The following RBFOX1 variants were observed in gnomAD, a reference collection of about 807,000 sequenced individuals.
RBFOX1 encodes the protein RNA binding protein fox-1 homolog 1.
In RBFOX1, 8 loss-of-function variants were observed where a neutral mutation model predicts 57.7. That is an observed-to-expected ratio of 0.14 (90% CI 0.08 to 0.25). The LOEUF is 0.25. Among genes scored for constraint, RBFOX1 ranks in the 10% least tolerant of loss-of-function variants. RBFOX1 has a pLI of 1.00. For missense variants in RBFOX1, 611 were observed against 548.5 expected, an observed-to-expected ratio of 1.11 and a Z score of -1.14; for synonymous variants, 326 against 222.4, an observed-to-expected ratio of 1.47 and a Z score of -4.15.
chr16:5,883,208 G>A lies in RBFOX1; in HGVS notation c.351+15873G>A, dbSNP rs558789265. Among the ~76,000 whole-genome samples, 5 of 152,086 alleles carry A rather than the reference G, an allele frequency of 3.3e-5. No homozygotes were observed. In the East Asian group the frequency reaches 9.7e-4, roughly 29 times the overall value. ...AATAATTTTTTTTTGCAGGAGGAGA[G>A]GATGTGGAACAAAAGCAACACATTA... On this transcript the variant is annotated intron_variant, in intron 4 of 19. Coordinates refer to the RBFOX1 transcript ENST00000641259.
At chr16:7,037,856 A>G (rs1597685424) in intron 3 of RBFOX1, among the ~76,000 whole-genome samples, 1 of 152,192 alleles carries the variant, frequency 6.6e-6, no homozygotes. Flanking sequence ...TATGATCAAG[A>G]TGACTGCCCA....
chr16:5,467,184 CTCTCTCTCTCTCT>C, intron 1 of RBFOX1: 2 of 1,453,680 alleles, frequency 1.4e-6, no homozygotes, highest in Non-Finnish European at 1.8e-6. Context: ...TTCTCTCTCT[CTCTCTCTCTCTCT>C]TTTTTTTTTT....
chr16:6,787,961 G>C (rs770220533), intron 3 of RBFOX1, among the ~76,000 whole-genome samples: 1 of 151,786 alleles, frequency 6.6e-6, no homozygotes, highest in Non-Finnish European at 1.5e-5. Flanking sequence ...GGTGGCTCAT[G>C]TCTGTAATCC....
intron 4 of RBFOX1, among the ~76,000 whole-genome samples, chr16:7,496,474 A>G (rs1472691612): frequency 1.3e-5 from 2 of 152,096 alleles, no homozygotes; most frequent in African/African-American, 4.8e-5. Flanking sequence ...GGGGATAGTG[A>G]TATCTAACTC....
At chr16:7,566,754 T>C (rs553163834) in intron 5 of RBFOX1, among the ~76,000 whole-genome samples, 8 of 152,224 alleles carry the variant, frequency 5.3e-5, no homozygotes, top group African/African-American at 1.4e-4. Flanking sequence ...ATCCTTTGTC[T>C]TAACTCAGGA....
intron 11 of RBFOX1, among the ~76,000 whole-genome samples, chr16:7,634,647 A>G (rs929389142): frequency 1.3e-5 from 2 of 152,192 alleles, no homozygotes; most frequent in Non-Finnish European, 2.9e-5. Flanking sequence ...AAAGATTTTC[A>G]CTGATAACTT....
chr16:6,302,606 C>G (rs987071773), intron 1 of RBFOX1, among the ~76,000 whole-genome samples: 3 of 152,220 alleles, frequency 2.0e-5, no homozygotes, highest in South Asian at 4.1e-4. Context: ...TTTGAGGTAT[C>G]TTTGCTCTTA....
At chr16:7,388,441 G>A (rs944204788) in intron 4 of RBFOX1, among the ~76,000 whole-genome samples, 3 of 152,054 alleles carry the variant, frequency 2.0e-5, no homozygotes, top group African/African-American at 7.2e-5. Context: ...TGGGCTTTGG[G>A]ATACAACAAA....
At chr16:6,915,698 G>A (rs921979157) in intron 3 of RBFOX1, among the ~76,000 whole-genome samples, 2 of 151,606 alleles carry the variant, frequency 1.3e-5, no homozygotes, top group Non-Finnish European at 2.9e-5. Flanking sequence ...GTACAGGTGC[G>A]CACCACCATG....
intron 2 of RBFOX1, among the ~76,000 whole-genome samples, chr16:6,425,440 C>G (rs2093897963): frequency 6.6e-6 from 1 of 152,178 alleles, no homozygotes; most frequent in African/African-American, 2.4e-5. Flanking sequence ...CTGCACACCC[C>G]CTACCCAACC....
intron 3 of RBFOX1, among the ~76,000 whole-genome samples, chr16:6,829,296 T>C (rs1396042233): frequency 6.6e-6 from 1 of 151,734 alleles, no homozygotes; most frequent in East Asian, 1.9e-4. Flanking sequence ...GTTCTACTTT[T>C]AGGAATTTAA....
chr16:5,596,111 T>C (rs933299922), intron 2 of RBFOX1, among the ~76,000 whole-genome samples: 2 of 151,980 alleles, frequency 1.3e-5, no homozygotes, highest in African/African-American at 4.8e-5. Flanking sequence ...GGAAAGCCCC[T>C]AGCTAGGGGG....
chr16:5,773,071 T>C (rs1455303403), intron 3 of RBFOX1, among the ~76,000 whole-genome samples: 2 of 152,092 alleles, frequency 1.3e-5, no homozygotes, highest in African/African-American at 4.8e-5. Flanking sequence ...TTGGGACTTT[T>C]GCTTACAATG....
At chr16:5,284,827 A>C (rs2151158018) in intron 1 of RBFOX1, among the ~76,000 whole-genome samples, 1 of 136,458 alleles carries the variant, frequency 7.3e-6, no homozygotes, top group South Asian at 2.3e-4. Context: ...TCTGCTGAGA[A>C]ATCCCCTGTT....
chr16:5,820,719 T>G (rs1424786742), intron 3 of RBFOX1, among the ~76,000 whole-genome samples: 3 of 152,134 alleles, frequency 2.0e-5, no homozygotes, highest in Non-Finnish European at 4.4e-5. Flanking sequence ...TCCAGCAGCG[T>G]CCTGAGTGAC....
intron 2 of RBFOX1, among the ~76,000 whole-genome samples, chr16:6,487,216 G>A (rs1017310960): frequency 2.0e-4 from 31 of 151,528 alleles, no homozygotes; most frequent in African/African-American, 7.3e-4. Context: ...GTCAGCTACA[G>A]CAACTCGTTT....
chr16:6,087,138 A>C (rs1458385114), intron 1 of RBFOX1, among the ~76,000 whole-genome samples: 1 of 152,210 alleles, frequency 6.6e-6, no homozygotes, highest in Non-Finnish European at 1.5e-5. Context: ...TGAGATGAAA[A>C]GTTAGATTTA....
chr16:6,985,030 G>A (rs889236319), intron 3 of RBFOX1, among the ~76,000 whole-genome samples: 4 of 145,940 alleles, frequency 2.7e-5, no homozygotes, highest in African/African-American at 1.0e-4. Context: ...TCCTGGCTTT[G>A]CTGGCCAGAT....
intron 4 of RBFOX1, among the ~76,000 whole-genome samples, chr16:5,976,012 C>T (rs575095585): frequency 5.1e-4 from 77 of 151,900 alleles, no homozygotes; most frequent in African/African-American, 1.6e-3. Flanking sequence ...GATGTGGTGG[C>T]GTGTACCTGT....
Sources: allele counts gnomAD v4.1 joint callset (sites outside exome capture counted in the v4.1 genomes callset), GRCh38; gene constraint gnomAD v4.1.1; transcripts MANE v1.5; gene names NCBI Gene and HGNC (gene_info 2026-07-23, HGNC 2026-07-21).